S1PR2: variants seen among roughly 807,000 people sequenced by gnomAD.
The protein encoded by S1PR2 is sphingosine-1-phosphate receptor 2.
Under a neutral mutation model 16.1 loss-of-function variants are expected in S1PR2, and 9 were observed. The ratio of observed to expected loss-of-function variants is 0.56; its 90% CI spans 0.34 to 0.98. The LOEUF is 0.98. S1PR2 is among the 50% of genes least tolerant of loss of function. S1PR2 has a pLI of 0.02. For missense variants in S1PR2, 361 were observed against 488.4 expected, an observed-to-expected ratio of 0.74 and a Z score of 2.46; for synonymous variants, 224 against 233.9, an observed-to-expected ratio of 0.96 and a Z score of 0.38.
Position 10,224,282 on chromosome 19 carries a change from C to T in S1PR2, c.624G>A (p.Leu208=). 6.2e-7 allele frequency: 1 copy of T among 1,614,068 alleles called. No individual in the cohort carries two copies. Among genetic ancestry groups the T allele is most frequent in the Non-Finnish European group, 8.5e-7 (1 of 1,180,044 alleles). ...GGACCACGCAGTAGATGCGCACGTACAGGGCCACGATGGCCAACAGGATGA... is the reference window on the plus strand; with the variant it reads ...GGACCACGCAGTAGATGCGCACGTATAGGGCCACGATGGCCAACAGGATGA... ...FSIILLAIVA[L]YVRIYCVVRS... is the part of the protein sequence containing the mutation. The change falls in exon 2 of 2, where the codon CTG becomes CTA. Residue 208 remains leucine (L), a synonymous_variant. Transcript: ENST00000646641.
In S1PR2 at chr19:10,223,841, C is replaced by A. The variant is rs372799945; in HGVS notation, c.*3G>T. 6 of 1,528,018 alleles carry A rather than the reference C, an allele frequency of 3.9e-6. No individual in the cohort carries two copies. The highest frequency in any genetic ancestry group is 5.3e-6 in the Non-Finnish European group (6 of 1,139,780). 94.7% of individuals were successfully genotyped at this position (1,528,018 alleles called of 1,614,324 possible). ...TGGCCTGGTTGTTGGTCCACCCCCA[C>A]CCTCAGACCACCGTGTTGCCCTCCA... On this transcript the variant is annotated 3_prime_UTR_variant, in exon 2 of 2. Coordinates refer to ENST00000646641, the MANE Select transcript of S1PR2 (RefSeq NM_004230.4).
Position 10,224,279 on chromosome 19 carries a change from G to A in S1PR2, c.627C>T (p.Tyr209=), listed in dbSNP as rs145137562. 39 of 1,614,038 alleles carry A rather than the reference G, an allele frequency of 2.4e-5. No individual in the cohort carries two copies. The highest frequency in any genetic ancestry group is 6.7e-5 in the African/African-American group (5 of 75,072). Residue 209 remains tyrosine, a synonymous_variant, in exon 2 of 2, where the codon TAC becomes TAT. Coordinates refer to ENST00000646641, the MANE Select transcript of S1PR2 (RefSeq NM_004230.4). ...AGCGGACCACGCAGTAGATGCGCAC[G>A]TACAGGGCCACGATGGCCAACAGGA... ...SIILLAIVAL[Y]VRIYCVVRSS...
At chr19:10,226,991 C>T (rs1020580287) in intron 1 of S1PR2, among the ~76,000 whole-genome samples, 1 of 151,752 alleles carries the variant, frequency 6.6e-6, no homozygotes, top group African/African-American at 2.4e-5. Context: ...TCCCATCCCC[C>T]CCCATCGCCA....
chr19:10,224,327 G>A lies in S1PR2; in HGVS notation c.579C>T (p.Cys193=), dbSNP rs758916106. 3.1e-6 allele frequency: 5 copies of A among 1,614,132 alleles called. No homozygotes were observed. The highest frequency in any genetic ancestry group is 4.2e-6 in the Non-Finnish European group (5 of 1,180,040). ...LPLYAKHYVL[C]VVTIFSIILL... ...GGATGATGGAGAAGATGGTCACCAC[G>A]CACAGCACATAATGCTTGGCGTAGA... is the stretch of plus-strand genomic sequence containing the variant. Residue 193 remains cysteine, a synonymous_variant, in exon 2 of 2, where the codon TGC becomes TGT. Coordinates refer to ENST00000646641, the MANE Select transcript of S1PR2 (RefSeq NM_004230.4).
chr19:10,229,278 TTTTTCTCAAAAAAAAAA>T (rs1367923039), intron 1 of S1PR2, among the ~76,000 whole-genome samples: 3 of 149,726 alleles, frequency 2.0e-5, no homozygotes, highest in African/African-American at 7.6e-5. Flanking sequence ...GGGCACACTC[TTTTTCTCAAAAAAAAAA>T]TTTTTTTTTT....
intron 1 of S1PR2, among the ~76,000 whole-genome samples, chr19:10,230,689 A>C (rs1221303285): frequency 6.6e-6 from 1 of 152,142 alleles, no homozygotes; most frequent in African/African-American, 2.4e-5. Context: ...TTTCCTTACA[A>C]AACAAAGCCA....
chr19:10,228,629 G>T (rs2039650777), intron 1 of S1PR2, among the ~76,000 whole-genome samples: 1 of 152,196 alleles, frequency 6.6e-6, no homozygotes, highest in African/African-American at 2.4e-5. Flanking sequence ...TCACCCCCTA[G>T]GTGGATGGCG....
At chr19:10,226,104 G>A (rs565425145) in intron 1 of S1PR2, among the ~76,000 whole-genome samples, 19 of 152,330 alleles carry the variant, frequency 1.2e-4, no homozygotes, top group Admixed American at 9.8e-4. Context: ...CTCTTTTCTG[G>A]AACACACAGG....
intron 1 of S1PR2, among the ~76,000 whole-genome samples, chr19:10,225,568 T>A (rs1464959410): frequency 6.6e-6 from 1 of 151,758 alleles, no homozygotes; most frequent in Non-Finnish European, 1.5e-5. Flanking sequence ...AGCTAATTTT[T>A]TTTTTATTTT....
intron 1 of S1PR2, among the ~76,000 whole-genome samples, chr19:10,229,499 A>C (rs2145445549): frequency 6.6e-6 from 1 of 152,218 alleles, no homozygotes; most frequent in Middle Eastern, 3.4e-3. Flanking sequence ...CATGTTGGCC[A>C]GGCTGGTCTG....
intron 1 of S1PR2, among the ~76,000 whole-genome samples, chr19:10,228,880 G>A (rs997617488): frequency 6.6e-6 from 1 of 152,142 alleles, no homozygotes; most frequent in South Asian, 2.1e-4. Context: ...ATTAGGAGAG[G>A]GGAAGGATGG....
chr19:10,225,604 T>A (rs1316454279), intron 1 of S1PR2, among the ~76,000 whole-genome samples: 1 of 151,846 alleles, frequency 6.6e-6, no homozygotes, highest in Non-Finnish European at 1.5e-5. Flanking sequence ...TTCACCATGT[T>A]GGCCAGCATG....
chr19:10,230,942 C>G, intron 1 of S1PR2, among the ~76,000 whole-genome samples: 1 of 152,204 alleles, frequency 6.6e-6, no homozygotes, highest in East Asian at 1.9e-4. Flanking sequence ...CAGTCGAAAG[C>G]GCTCGGATTC....
At chr19:10,225,038 C>T in intron 1 of S1PR2, 91 bp from the exon 2 acceptor site, 1 of 674,738 alleles carries the variant, frequency 1.5e-6, no homozygotes, top group Admixed American at 2.9e-5. Flanking sequence ...GATTCAATTT[C>T]CTGCTCTGTT....
At chr19:10,229,974 G>A (rs1385067359) in intron 1 of S1PR2, among the ~76,000 whole-genome samples, 1 of 140,162 alleles carries the variant, frequency 7.1e-6, no homozygotes, top group Admixed American at 6.9e-5. Flanking sequence ...GTGTGGAATG[G>A]GCAAATGAAT....
At chr19:10,230,805 G>T (rs1051316386) in intron 1 of S1PR2, among the ~76,000 whole-genome samples, 2 of 152,318 alleles carry the variant, frequency 1.3e-5, no homozygotes, top group African/African-American at 2.4e-5. Context: ...TGGCTTGGAG[G>T]CTCCACGGCG....
At position 10,224,736 on chromosome 19, in the gene S1PR2, G is replaced by A. The variant is rs776758449; in HGVS notation, c.170C>T (p.Ala57Val). The A allele has an allele frequency of 5.0e-6, 8 of 1,614,246 alleles. No individual in the cohort carries two copies. The highest frequency in any genetic ancestry group is 2.2e-5 in the East Asian group (1 of 44,890). The part of the protein sequence containing the change: ...IVVENLLVLI[A>V]VARNSKFHSA... ...GTGGAACTTGCTGTTTCGGGCCACC[G>A]CAATGAGCACCAGAAGGTTTTCCAC... Residue 57 changes from alanine (A) to valine (V), a missense_variant, in exon 2 of 2, where the codon GCG (alanine) becomes GTG (valine). Physicochemically the swap from Ala to Val is moderately conservative, Grantham distance 64. Transcript: ENST00000646641.
Position 10,224,597 on chromosome 19 carries a change from C to T in S1PR2, c.309G>A (p.Val103=), listed in dbSNP as rs780028833. The change falls in exon 2 of 2, where the codon GTG becomes GTA. Residue 103 remains valine (V), a synonymous_variant. Coordinates refer to ENST00000646641, the MANE Select transcript of S1PR2 (RefSeq NM_004230.4). ...SGSVTLRLTP[V]QWFAREGSAF... is the part of the protein sequence containing the mutation. Reference sequence around the variant, plus strand: ...CAGAGCCCTCCCGGGCAAACCACTGCACAGGCGTCAGCCTCAGCGTGACAG... The same window carrying T: ...CAGAGCCCTCCCGGGCAAACCACTGTACAGGCGTCAGCCTCAGCGTGACAG... 6.2e-6 allele frequency: 10 copies of T among 1,613,878 alleles called. No homozygotes were observed. In the African/African-American group the frequency reaches 9.3e-5, roughly 15 times the overall value.
chr19:10,228,117 A>G (rs1212322671), intron 1 of S1PR2, among the ~76,000 whole-genome samples: 1 of 147,082 alleles, frequency 6.8e-6, no homozygotes, highest in Non-Finnish European at 1.5e-5. Context: ...CCTGGCCAAC[A>G]TGGTAAAACC....
Sources: allele counts gnomAD v4.1 joint callset (sites outside exome capture counted in the v4.1 genomes callset), GRCh38; gene constraint gnomAD v4.1.1; transcripts MANE v1.5; gene names NCBI Gene and HGNC (gene_info 2026-07-23, HGNC 2026-07-21).